Variants in CDYL2 observed in about 807,000 individuals in gnomAD.
CDYL2 encodes chromodomain Y like 2, also known as chromodomain Y-like protein 2.
A neutral mutation model predicts 49.4 loss-of-function variants in CDYL2; 23 were observed. The observed-to-expected ratio is 0.47, with a 90% CI of 0.34 to 0.66. CDYL2 has a LOEUF of 0.66. Among genes scored for constraint, CDYL2 ranks in the 30% least tolerant of loss-of-function variants. The probability of loss-of-function intolerance (pLI) is 0.01; values close to 1 mark genes in which losing one functional copy is unlikely to be tolerated. For synonymous variants in CDYL2, 360 were observed against 268.8 expected (o/e 1.34, Z -3.32); for missense variants, 678 against 656.4 (o/e 1.03, Z -0.36).
At chr16:80,791,335 G>A (rs1907600705) in intron 1 of CDYL2, among the ~76,000 whole-genome samples, 1 of 152,166 alleles carries the variant, frequency 6.6e-6, no homozygotes, top group Non-Finnish European at 1.5e-5. Flanking sequence ...ATAAATGAAA[G>A]ATTGAATAAA....
At chr16:80,699,369 G>C (rs1904289403) in intron 1 of CDYL2, among the ~76,000 whole-genome samples, 1 of 152,218 alleles carries the variant, frequency 6.6e-6, no homozygotes, top group Non-Finnish European at 1.5e-5. Flanking sequence ...GTGGCAACAT[G>C]CACGAGCCTG....
intron 2 of CDYL2, among the ~76,000 whole-genome samples, chr16:80,667,927 C>T (rs533614658): frequency 2.6e-5 from 4 of 152,338 alleles, no homozygotes; most frequent in South Asian, 2.1e-4. Flanking sequence ...GCCCCTGACT[C>T]GCCACCACTG....
intron 1 of CDYL2, among the ~76,000 whole-genome samples, chr16:80,792,552 C>G (rs1432983041): frequency 2.0e-5 from 3 of 152,112 alleles, no homozygotes; most frequent in African/African-American, 7.2e-5. Context: ...CTGCAAATGA[C>G]AAGTGATGTT....
In CDYL2 at chr16:80,608,177, C is replaced by T. The variant is rs1161702893; in HGVS notation, c.1277G>A (p.Gly426Glu). Residue 426 changes from glycine to glutamate, a missense_variant, in exon 6 of 7, where the codon GGG becomes GAG. By Grantham distance (98) the Gly-to-Glu change is moderately conservative (BLOSUM62 -2). This residue lies in a region of CDYL2 where 153 missense variants were observed against 150.6 expected (regional missense o/e 1.02). Transcript: ENST00000570137. Reference protein sequence around the residue: ...KLTAQEACSRGLVSQVFWPTT... With the variant: ...KLTAQEACSRELVSQVFWPTT... ...GGGCCAGAAGACCTGCGACACCAGC[C>T]CCCTGCTGCAGGCCTCCTGGGCGGT... The T allele has an allele frequency of 6.2e-7, 1 of 1,602,936 alleles. No individual in the cohort carries two copies.
At chr16:80,736,906 C>A (rs1247294584) in intron 1 of CDYL2, among the ~76,000 whole-genome samples, 1 of 152,180 alleles carries the variant, frequency 6.6e-6, no homozygotes, top group Admixed American at 6.5e-5. Flanking sequence ...AATCATTGTT[C>A]ACAACCTCAG....
At chr16:80,748,523 A>AC (rs1906016247) in intron 1 of CDYL2, among the ~76,000 whole-genome samples, 1 of 142,242 alleles carries the variant, frequency 7.0e-6, no homozygotes, top group Non-Finnish European at 1.5e-5. Context: ...AAAAAAAAAA[A>AC]AAAAAAAAAA....
intron 1 of CDYL2, among the ~76,000 whole-genome samples, chr16:80,691,821 G>C (rs1008559628): frequency 1.3e-5 from 2 of 152,056 alleles, no homozygotes; most frequent in African/African-American, 4.8e-5. Context: ...AACAGGTTGA[G>C]AAGGAAGCTG....
chr16:80,748,782 C>T (rs1041225984), intron 1 of CDYL2, among the ~76,000 whole-genome samples: 6 of 152,066 alleles, frequency 3.9e-5, no homozygotes, highest in Non-Finnish European at 8.8e-5. Context: ...CAGTTGATCC[C>T]TGTCCTTGAG....
At chr16:80,789,938 G>C (rs1907556584) in intron 1 of CDYL2, among the ~76,000 whole-genome samples, 2 of 152,054 alleles carry the variant, frequency 1.3e-5, no homozygotes, top group South Asian at 4.1e-4. Context: ...GGGGATGAGG[G>C]TTGAAAAATT....
At chr16:80,793,989 G>A (rs945509943) in intron 1 of CDYL2, among the ~76,000 whole-genome samples, 1 of 152,148 alleles carries the variant, frequency 6.6e-6, no homozygotes, top group Non-Finnish European at 1.5e-5. Context: ...ATTATAACTG[G>A]TATCGGGTGT....
chr16:80,751,059 A>C (rs533582154), intron 1 of CDYL2, among the ~76,000 whole-genome samples: 8 of 152,340 alleles, frequency 5.3e-5, no homozygotes, highest in Admixed American at 5.2e-4. Context: ...AGATAATGTA[A>C]AAGCTGCTCA....
chr16:80,794,849 G>A (rs1402569637), intron 1 of CDYL2, among the ~76,000 whole-genome samples: 1 of 152,038 alleles, frequency 6.6e-6, no homozygotes, highest in Non-Finnish European at 1.5e-5. Flanking sequence ...CCGACCTCAG[G>A]TGATCCGCCC....
chr16:80,783,059 C>T (rs538808688), intron 1 of CDYL2, among the ~76,000 whole-genome samples: 13 of 152,108 alleles, frequency 8.5e-5, no homozygotes, highest in Non-Finnish European at 1.5e-5. Context: ...TTCTTTAAAA[C>T]TACAATTTGT....
intron 1 of CDYL2, among the ~76,000 whole-genome samples, chr16:80,782,646 C>A (rs1405238331): frequency 6.6e-6 from 1 of 151,042 alleles, no homozygotes; most frequent in Non-Finnish European, 1.5e-5. Flanking sequence ...GGATCACACA[C>A]CATGACCAAG....
chr16:80,742,707 G>C (rs1905786450), intron 1 of CDYL2, among the ~76,000 whole-genome samples: 1 of 151,676 alleles, frequency 6.6e-6, no homozygotes, highest in Non-Finnish European at 1.5e-5. Flanking sequence ...CATGGATGAA[G>C]AGATGTATGG....
chr16:80,642,023 T>C (rs4889183), intron 2 of CDYL2, among the ~76,000 whole-genome samples: 37,071 of 151,910 alleles, frequency 0.24, 6,201 homozygotes, highest in African/African-American at 0.45. Flanking sequence ...CTACTCTTAT[T>C]AAATAGAAAG....
chr16:80,794,500 C>T (rs1009910517), intron 1 of CDYL2, among the ~76,000 whole-genome samples: 2 of 151,422 alleles, frequency 1.3e-5, no homozygotes, highest in Non-Finnish European at 2.9e-5. Context: ...ACTGACATGG[C>T]TGCACCTTTT....
At chr16:80,794,218 A>T (rs895504788) in intron 1 of CDYL2, among the ~76,000 whole-genome samples, 13 of 152,230 alleles carry the variant, frequency 8.5e-5, no homozygotes, top group Admixed American at 2.0e-4. Flanking sequence ...ACAAAGTGTT[A>T]CACATTCCAC....
At chr16:80,717,743 G>A (rs2142520595) in intron 1 of CDYL2, among the ~76,000 whole-genome samples, 1 of 152,294 alleles carries the variant, frequency 6.6e-6, no homozygotes, top group South Asian at 2.1e-4. Context: ...AGGCAGACAG[G>A]AAATAAATAA....
Sources: allele counts gnomAD v4.1 joint callset (sites outside exome capture counted in the v4.1 genomes callset), GRCh38; gene constraint gnomAD v4.1.1; regional missense constraint gnomAD v4.1.1; transcripts MANE v1.5; gene names NCBI Gene and HGNC (gene_info 2026-07-23, HGNC 2026-07-21).